The following KLRD1 variants were observed in gnomAD, a reference collection of about 807,000 sequenced individuals.
The protein encoded by KLRD1 is natural killer cells antigen CD94.
KLRD1 carries 21 observed loss-of-function variants against 22.6 expected under a neutral mutation model. The observed-to-expected ratio is 0.93, with a 90% confidence interval of 0.66 to 1.34. The LOEUF (loss-of-function observed/expected upper bound fraction) is 1.34, where lower values mean the gene tolerates loss of function less well. Among genes scored for constraint, KLRD1 ranks in the 40% most tolerant of loss-of-function variants. The probability of loss-of-function intolerance (pLI) is 0.00; values close to 1 mark genes in which losing one functional copy is unlikely to be tolerated. For missense variants in KLRD1, 183 were observed against 208.6 expected (o/e 0.88, Z 0.76); for synonymous variants, 59 against 71.1 (o/e 0.83, Z 0.85).
intron 1 of KLRD1, among the ~76,000 whole-genome samples, chr12:10,288,067 CAA>C (rs35335784): frequency 1.4e-4 from 13 of 92,936 alleles, no homozygotes; most frequent in Admixed American, 1.2e-4. Context: ...GACTCTGTCT[CAA>C]AAAAAAAAAA....
chr12:10,248,741 G>C (rs926881005), intron 1 of KLRD1, among the ~76,000 whole-genome samples: 2 of 151,522 alleles, frequency 1.3e-5, no homozygotes, highest in Non-Finnish European at 2.9e-5. Context: ...GGGATTACAG[G>C]TGCCCGCCAC....
At chr12:10,274,505 T>G (rs2137647817) in intron 1 of KLRD1, among the ~76,000 whole-genome samples, 1 of 152,322 alleles carries the variant, frequency 6.6e-6, no homozygotes. Flanking sequence ...AACAGTAGTA[T>G]ATCACAATTT....
chr12:10,283,640 C>G (rs1949668088), intron 1 of KLRD1, among the ~76,000 whole-genome samples: 1 of 151,970 alleles, frequency 6.6e-6, no homozygotes, highest in South Asian at 2.1e-4. Flanking sequence ...CAGGCTTCTC[C>G]CCTCTTCCTA....
At chr12:10,314,372 G>C (rs1435962557) in intron 5 of KLRD1, among the ~76,000 whole-genome samples, 1 of 151,986 alleles carries the variant, frequency 6.6e-6, no homozygotes, top group Non-Finnish European at 1.5e-5. Flanking sequence ...GACTAGATCA[G>C]ATAATACATC....
chr12:10,294,889 A>G (rs1227467436), intron 1 of KLRD1, among the ~76,000 whole-genome samples: 1 of 152,222 alleles, frequency 6.6e-6, no homozygotes, highest in Non-Finnish European at 1.5e-5. Flanking sequence ...TATATACGTT[A>G]TAGTAAGATA....
At chr12:10,299,887 A>C (rs561874512), upstream of KLRD1, among the ~76,000 whole-genome samples, 33 of 152,310 alleles carry the variant, frequency 2.2e-4, no homozygotes, top group Middle Eastern at 3.4e-3. Flanking sequence ...ATAGGAGTAG[A>C]TTCCATCCCA....
chr12:10,309,293 A>G, intron 1 of KLRD1, 95 bp from the exon 2 acceptor site: 1 of 696,740 alleles, frequency 1.4e-6, no homozygotes, highest in South Asian at 1.7e-5. Flanking sequence ...CAAATGAAAG[A>G]ATGTTGTGGA....
At chr12:10,314,572 C>A in intron 5 of KLRD1, 101 bp from the exon 6 acceptor site, 6 of 1,059,392 alleles carry the variant, frequency 5.7e-6, no homozygotes, top group Non-Finnish European at 7.8e-6. Flanking sequence ...ATGTTAGTAT[C>A]TCACTCAAAT....
intron 1 of KLRD1, among the ~76,000 whole-genome samples, chr12:10,240,514 A>G (rs1949231664): frequency 6.6e-6 from 1 of 152,062 alleles, no homozygotes; most frequent in African/African-American, 2.4e-5. Flanking sequence ...GAGTTTTTAT[A>G]TTATTTGAAT....
intron 1 of KLRD1, among the ~76,000 whole-genome samples, chr12:10,239,980 G>C (rs1339846160): frequency 6.6e-6 from 1 of 151,798 alleles, no homozygotes; most frequent in Non-Finnish European, 1.5e-5. Flanking sequence ...TTACTGCTTG[G>C]TTTCACCATA....
intron 1 of KLRD1, among the ~76,000 whole-genome samples, chr12:10,294,693 A>G (rs2537787): frequency 0.98 from 148,813 of 152,184 alleles, 72,842 homozygotes; most frequent in Non-Finnish European, 1. Context: ...GAGCCACTGC[A>G]CCCGGCCCCC....
chr12:10,269,399 C>T (rs1949529141), intron 1 of KLRD1, among the ~76,000 whole-genome samples: 1 of 152,202 alleles, frequency 6.6e-6, no homozygotes, highest in African/African-American at 2.4e-5. Context: ...GATCTTCCTG[C>T]CTCAGCCTCC....
intron 3 of KLRD1, 56 bp downstream of exon 3, chr12:10,309,744 C>T (rs1201469409): frequency 8.1e-7 from 1 of 1,241,140 alleles, no homozygotes; most frequent in Non-Finnish European, 1.2e-6. Context: ...TAGGCAGTTT[C>T]TTGTTTTTCA....
At position 10,311,795 on chromosome 12, in the gene KLRD1, A is replaced by G. The variant is rs1227295892; in HGVS notation, c.315+180A>G. On this transcript the variant is annotated intron_variant, in intron 4 of 5. Coordinates refer to ENST00000336164, the MANE Select transcript of KLRD1 (RefSeq NM_002262.5). ...TTGTAAAATCTTTATTAAATTCCTT[A>G]ATGATTATATCATGGGAATACAAAT... 4 of 489,264 alleles carry G rather than the reference A, an allele frequency of 8.2e-6. No homozygotes were observed. The East Asian group carries it at 1.3e-4, about 16-fold the overall frequency. The allele number at this position is 489,264 out of a possible 1,614,324, so 30.3% of individuals were successfully genotyped here. A position where few individuals can be genotyped will look rare whatever the true frequency, so the allele number is the denominator to read the frequency against.
intron 3 of KLRD1, among the ~76,000 whole-genome samples, 177 bp downstream of exon 3, chr12:10,309,865 T>G (rs976132628): frequency 2.0e-5 from 3 of 152,346 alleles, no homozygotes; most frequent in Admixed American, 6.5e-5. Context: ...TAAATTACAC[T>G]GAATGTGTAT....
chr12:10,259,731 T>C (rs1232207855), intron 1 of KLRD1, among the ~76,000 whole-genome samples: 1 of 152,148 alleles, frequency 6.6e-6, no homozygotes, highest in East Asian at 1.9e-4. Context: ...TTTGGGAGGT[T>C]GAGGCAGACG....
chr12:10,244,831 C>T lies in KLRD1; in HGVS notation c.-101+18598C>T, dbSNP rs561329253. 2.7e-4 allele frequency among the ~76,000 whole-genome samples: 41 copies of T among 151,910 alleles called. 1 individual carries two copies. In the South Asian group the frequency reaches 7.7e-3, roughly 29 times the overall value. On this transcript the variant is annotated intron_variant, in intron 1 of 5. Coordinates refer to the KLRD1 transcript ENST00000544747. The stretch of plus-strand genomic sequence containing the variant: ...AAAAAAACCAAAACAAACAAAAAAA[C>T]TTCATTGAAGAAATCATGCTCTTAC...
intron 1 of KLRD1, chr12:10,308,543 C>G (rs1949976683): frequency 1.2e-5 from 2 of 161,032 alleles, no homozygotes; most frequent in African/African-American, 2.4e-5. Context: ...CACGTTAGCA[C>G]AGAATCTCCT....
intron 1 of KLRD1, among the ~76,000 whole-genome samples, chr12:10,263,873 A>G (rs1294892436): frequency 6.6e-6 from 1 of 152,026 alleles, no homozygotes. Context: ...CTAGTTTTCC[A>G]TTTGCTCAAA....
Sources: gnomAD v4.1 joint callset for allele counts (sites outside exome capture counted in the v4.1 genomes callset) on GRCh38, gnomAD v4.1.1 for gene constraint, MANE v1.5 for transcripts, NCBI Gene and HGNC (gene_info 2026-07-23, HGNC 2026-07-21) for gene names.